Variants in RUFY1 observed in about 807,000 individuals in gnomAD.
RUFY1 encodes RUN and FYVE domain containing 1, also known as RUN and FYVE domain-containing protein 1.
Under a neutral mutation model 94.6 loss-of-function variants are expected in RUFY1, and 54 were observed. The observed-to-expected ratio is 0.57, with a 90% CI of 0.46 to 0.72. The LOEUF (loss-of-function observed/expected upper bound fraction) is 0.72, where lower values mean the gene tolerates loss of function less well. Ranked by LOEUF, RUFY1 falls within the 30% of genes least tolerant of loss-of-function variation. RUFY1 has a pLI of 0.00. For synonymous variants in RUFY1, 396 were observed against 347.3 expected, an observed-to-expected ratio of 1.14 and a Z score of -1.56; for missense variants, 883 against 883.9, an observed-to-expected ratio of 1.00 and a Z score of 0.01.
chr5:179,596,789 G>A lies in RUFY1; in HGVS notation c.1631+108G>A. On this transcript the variant is annotated intron_variant, in intron 13 of 17. Transcript: ENST00000319449. ...AGCACGAACGGGAGGAGGGGGGGCG[G>A]GGGGGCAGGTGGTATCCTGCTTCAC... The A allele has an allele frequency of 1.1e-5, 4 of 349,554 alleles. 2 individuals carry two copies. Among genetic ancestry groups the A allele is most frequent in the Non-Finnish European group, 2.1e-5 (4 of 188,546 alleles). The allele number at this position is 349,554 out of a possible 1,614,324, so 21.7% of individuals were successfully genotyped here.
chr5:179,596,769 G>T, intron 13 of RUFY1, 88 bp downstream of exon 13: 4 of 628,604 alleles, frequency 6.4e-6, no homozygotes, highest in Non-Finnish European at 8.4e-6. Flanking sequence ...GCTTCAGCAC[G>T]AACGGGAGGA....
At chr5:179,581,494 A>C (rs940102970) in intron 7 of RUFY1, among the ~76,000 whole-genome samples, 2 of 146,212 alleles carry the variant, frequency 1.4e-5, no homozygotes, top group Non-Finnish European at 3.0e-5. Context: ...ATGAAACACT[A>C]ATCCTTGGAG....
chr5:179,556,200 A>G (rs1762108873), intron 1 of RUFY1, among the ~76,000 whole-genome samples: 3 of 152,162 alleles, frequency 2.0e-5, no homozygotes, highest in Admixed American at 2.0e-4. Context: ...AAGTTATTTA[A>G]TATTTGAAAA....
At chr5:179,564,210 C>T (rs916682850) in intron 3 of RUFY1, among the ~76,000 whole-genome samples, 7 of 151,350 alleles carry the variant, frequency 4.6e-5, no homozygotes, top group Non-Finnish European at 8.8e-5. Flanking sequence ...ACCTCCACCC[C>T]CTGGGTTCCA....
At chr5:179,557,913 C>T (rs1347779227) in intron 1 of RUFY1, among the ~76,000 whole-genome samples, 1 of 152,080 alleles carries the variant, frequency 6.6e-6, no homozygotes, top group Non-Finnish European at 1.5e-5. Flanking sequence ...GAACCTAGGG[C>T]ACCCCAGGTC....
intron 1 of RUFY1, among the ~76,000 whole-genome samples, chr5:179,556,998 CTA>C: frequency 6.6e-6 from 1 of 152,286 alleles, no homozygotes; most frequent in Middle Eastern, 3.4e-3. Context: ...TCACACTGAT[CTA>C]AAGCCAAAAA....
chr5:179,606,202 G>C, intron 16 of RUFY1: 1 of 513,530 alleles, frequency 1.9e-6, no homozygotes, highest in Non-Finnish European at 3.5e-6. Flanking sequence ...TAAGGGGGAA[G>C]CAGGTGGCGG....
intron 11 of RUFY1, 24 bp downstream of exon 11, chr5:179,593,669 G>A (rs749756785): frequency 1.2e-6 from 2 of 1,607,268 alleles, no homozygotes; most frequent in Non-Finnish European, 1.7e-6. Flanking sequence ...TTGTGTCCAT[G>A]GCACAGCCTG....
intron 6 of RUFY1, among the ~76,000 whole-genome samples, chr5:179,577,461 A>G (rs576558190): frequency 6.6e-6 from 1 of 151,608 alleles, no homozygotes; most frequent in South Asian, 2.1e-4. Context: ...CACCGCGCCC[A>G]GCCACGTCAC....
intron 2 of RUFY1, among the ~76,000 whole-genome samples, chr5:179,561,075 G>T (rs1434138205): frequency 6.6e-6 from 1 of 152,186 alleles, no homozygotes; most frequent in East Asian, 1.9e-4. Flanking sequence ...GCCGGGCGTG[G>T]TGGCGCATGC....
Position 179,569,374 on chromosome 5 carries a change from C to G in RUFY1, c.777C>G (p.Leu259=). 1 of 1,613,566 alleles carries G rather than the reference C, an allele frequency of 6.2e-7. No individual in the cohort carries two copies. The highest frequency in any genetic ancestry group is 8.5e-7 in the Non-Finnish European group (1 of 1,179,936). The change falls in exon 5 of 18, where the codon CTC becomes CTG. Residue 259 remains leucine (L), a synonymous_variant. Transcript: ENST00000319449. The stretch of plus-strand genomic sequence containing the variant: ...TGATTGTTGGTCTGCTGGTGGGACT[C>G]AATGTTCTCGATGCCAATCTCTGCT... The part of the protein sequence containing the change: ...GMVIVGLLVG[L]NVLDANLCLK...
intron 14 of RUFY1, among the ~76,000 whole-genome samples, chr5:179,600,800 G>T (rs1458016858): frequency 7.2e-6 from 1 of 138,054 alleles, no homozygotes; most frequent in Non-Finnish European, 1.5e-5. Context: ...CAGTTCAAGC[G>T]ATTCTCCTGC....
intron 11 of RUFY1, among the ~76,000 whole-genome samples, chr5:179,594,053 C>G (rs909130097): frequency 1.3e-5 from 2 of 152,066 alleles, no homozygotes; most frequent in African/African-American, 4.8e-5. Flanking sequence ...GCTTGTAATC[C>G]CAGCACTTTG....
intron 1 of RUFY1, among the ~76,000 whole-genome samples, chr5:179,554,002 G>A (rs10479541): frequency 4.6e-5 from 7 of 151,806 alleles, no homozygotes; most frequent in South Asian, 4.1e-4. Context: ...GCTCTGCAGC[G>A]ACACAAGAAA....
chr5:179,609,378 C>G lies in RUFY1; in HGVS notation c.1986C>G (p.His662Gln). Residue 662 changes from histidine (H) to glutamine (Q), a missense_variant and splice_region_variant, in exon 18 of 18, where the codon CAC becomes CAG. His to Gln is a conservative substitution (Grantham distance 24). Transcript: ENST00000319449. Reference protein sequence around the residue: ...EKEFSISRRKHHCRNCGHIFC... With the variant: ...EKEFSISRRKQHCRNCGHIFC... ...ACCGCCTTCTTCCCGTCCTGTAGCA[C>G]CACTGCCGGAACTGTGGCCACATCT... 6.2e-7 allele frequency: 1 copy of G among 1,613,264 alleles called. No individual in the cohort carries two copies. Among genetic ancestry groups the G allele is most frequent in the Non-Finnish European group, 8.5e-7 (1 of 1,179,834 alleles).
chr5:179,559,817 C>G (rs1581422552), intron 1 of RUFY1: 2 of 1,331,454 alleles, frequency 1.5e-6, no homozygotes, highest in Non-Finnish European at 1.9e-6. Context: ...CTCTTCTGAC[C>G]CAAGGCCCCG....
At chr5:179,559,643 C>CG in intron 1 of RUFY1, 1 of 1,007,372 alleles carries the variant, frequency 9.9e-7, no homozygotes, top group Non-Finnish European at 1.2e-6. Context: ...AGCACGCCCT[C>CG]TAAGAGCTTG....
At chr5:179,564,364 T>C (rs1008005952) in intron 3 of RUFY1, among the ~76,000 whole-genome samples, 32 of 150,804 alleles carry the variant, frequency 2.1e-4, no homozygotes, top group African/African-American at 7.8e-4. Flanking sequence ...AGGTGATCCA[T>C]CTGCCTCAGC....
chr5:179,595,551 T>C (rs1424677260), intron 12 of RUFY1, among the ~76,000 whole-genome samples: 8 of 148,160 alleles, frequency 5.4e-5, no homozygotes, highest in Non-Finnish European at 8.9e-5. Context: ...TTGTTTGTTC[T>C]TGTTTTTTTT....
Sources: allele counts gnomAD v4.1 joint callset (sites outside exome capture counted in the v4.1 genomes callset), GRCh38; gene constraint gnomAD v4.1.1; transcripts MANE v1.5; gene names NCBI Gene and HGNC (gene_info 2026-07-23, HGNC 2026-07-21).